Variants in LEPR observed in about 807,000 individuals in gnomAD.
LEPR encodes the protein OB receptor.
In LEPR, 56 loss-of-function variants were observed where a neutral mutation model predicts 114.7. That is an observed-to-expected ratio of 0.49 (90% CI 0.39 to 0.61). The LOEUF is 0.61. LEPR is among the 20% of genes least tolerant of loss of function. LEPR has a pLI of 0.00. For missense variants in LEPR, 1,202 were observed against 1,352.9 expected (o/e 0.89, Z 1.75); for synonymous variants, 443 against 461.4 (o/e 0.96, Z 0.51).
chr1:65,556,578 A>G lies in LEPR; in HGVS notation c.-20-8968A>G, dbSNP rs186360906. Among the ~76,000 whole-genome samples, 585 of 152,256 alleles carry G rather than the reference A, an allele frequency of 3.8e-3. 2 individuals carry two copies. Among genetic ancestry groups the G allele is most frequent in the Middle Eastern group, 6.8e-3 (2 of 294 alleles). On this transcript the variant is annotated intron_variant, in intron 2 of 19. Transcript: ENST00000349533. ...TTTCACCAAATTCTCAGTCAGGTCC[A>G]TGTTCCAAAAAATGGTTAAGAATCA...
chr1:65,578,992 T>A (rs952829595), intron 5 of LEPR, among the ~76,000 whole-genome samples: 2 of 152,200 alleles, frequency 1.3e-5, no homozygotes, highest in African/African-American at 4.8e-5. Flanking sequence ...CCTGTGGTCA[T>A]CATTTCCACA....
chr1:65,515,104 G>T (rs1245737940), intron 2 of LEPR, among the ~76,000 whole-genome samples: 1 of 152,240 alleles, frequency 6.6e-6, no homozygotes, highest in Non-Finnish European at 1.5e-5. Flanking sequence ...GCAGATGATG[G>T]TGGTGGGTGA....
intron 2 of LEPR, chr1:65,431,966 A>G (rs1646491651): frequency 6.3e-7 from 1 of 1,594,734 alleles, no homozygotes; most frequent in Non-Finnish European, 8.5e-7. Flanking sequence ...AACTCATACT[A>G]TCTGTATACA....
chr1:65,576,340 A>C lies in LEPR; in HGVS notation c.494+3891A>C, dbSNP rs1028062969. The C allele has an allele frequency of 3.9e-5, 6 of 152,766 alleles. 1 individual carries two copies. Among genetic ancestry groups the C allele is most frequent in the African/African-American group, 1.2e-4 (5 of 40,828 alleles). 9.5% of individuals were successfully genotyped at this position (152,766 alleles called of 1,614,324 possible). On this transcript the variant is annotated intron_variant, in intron 5 of 19. Coordinates refer to ENST00000349533, the MANE Select transcript of LEPR (RefSeq NM_002303.6). ...GCTAGTTTCTGTCATACCTAGACAA[A>C]GAAGATGGTTTAAAACCAATTCATG...
At chr1:65,634,912 T>C (rs1043546750) in intron 19 of LEPR, 61 of 827,508 alleles carry the variant, frequency 7.4e-5, no homozygotes, top group Non-Finnish European at 8.2e-5. Flanking sequence ...AGTTTTCTCT[T>C]CATATATTAT....
intron 2 of LEPR, chr1:65,435,614 G>T: frequency 1.2e-6 from 1 of 805,124 alleles, no homozygotes; most frequent in Non-Finnish European, 1.5e-6. Context: ...TGATCCGCCC[G>T]CCTCTGCCTC....
At position 65,641,549 on chromosome 1, in the gene LEPR, T is replaced by C. The variant is rs1644866761; in HGVS notation, c.*4534T>C. On this transcript the variant is annotated 3_prime_UTR_variant, in exon 20 of 20. Coordinates refer to ENST00000349533, the MANE Select transcript of LEPR (RefSeq NM_002303.6). ...CAGTGTTAATTTTGAGAAATAAAAG[T>C]CCAAAAAGAATTATTATGAGTTTAA... The C allele has an allele frequency of 6.6e-6, 1 of 152,184 alleles. No individual in the cohort carries two copies. The highest frequency in any genetic ancestry group is 6.5e-5 in the Admixed American group (1 of 15,282). 9.4% of individuals were successfully genotyped at this position (152,184 alleles called of 1,614,324 possible). A position where few individuals can be genotyped will look rare whatever the true frequency, so the allele number is the denominator to read the frequency against.
At chr1:65,436,480 CT>C (rs1646564522) in intron 2 of LEPR, among the ~76,000 whole-genome samples, 1 of 152,178 alleles carries the variant, frequency 6.6e-6, no homozygotes, top group African/African-American at 2.4e-5. Flanking sequence ...CTAGTTATTT[CT>C]TTGCATTGCC....
intron 19 of LEPR, chr1:65,625,987 G>T (rs932464145): frequency 2.8e-5 from 20 of 722,384 alleles, no homozygotes; most frequent in African/African-American, 2.7e-4. Flanking sequence ...TCTCTCTTCA[G>T]CATTTAAGCT....
chr1:65,459,599 AC>A lies in LEPR; in HGVS notation c.-21+34222del, dbSNP rs1055665659. 4.3e-4 allele frequency among the ~76,000 whole-genome samples: 66 copies of A among 152,214 alleles called. 1 individual carries two copies. The highest frequency in any genetic ancestry group is 1.3e-4 in the Admixed American group (2 of 15,286). On this transcript the variant is annotated intron_variant, in intron 2 of 19. Transcript: ENST00000349533. ...TACTGGCAAAGCTTACCATTGTCCA[AC>A]TAACAAAGGGAAATGTTCACAGGAT...
Position 65,565,558 on chromosome 1 carries a change from G to A in LEPR, c.-8G>A, listed in dbSNP as rs1196149260. 1 of 1,613,840 alleles carries A rather than the reference G, an allele frequency of 6.2e-7. No individual in the cohort carries two copies. Among genetic ancestry groups the A allele is most frequent in the East Asian group, 2.2e-5 (1 of 44,802 alleles). Reference sequence around the variant, plus strand: ...TTACCTTTTCCAGGTGTACTTCTCTGAAGTAAGATGATTTGTCAAAAATTC... The same window carrying A: ...TTACCTTTTCCAGGTGTACTTCTCTAAAGTAAGATGATTTGTCAAAAATTC... On this transcript the variant is annotated 5_prime_UTR_variant, in exon 3 of 20. The change abolishes the stop of an existing upstream ORF in the 5' untranslated region. Coordinates refer to ENST00000349533, the MANE Select transcript of LEPR (RefSeq NM_002303.6).
intron 14 of LEPR, among the ~76,000 whole-genome samples, chr1:65,612,150 A>G (rs919106249): frequency 9.2e-5 from 14 of 152,204 alleles, no homozygotes; most frequent in Non-Finnish European, 1.8e-4. Flanking sequence ...GTAAGCCACA[A>G]GGCCACAGGA....
chr1:65,550,611 C>G (rs975387351), intron 2 of LEPR, among the ~76,000 whole-genome samples: 2 of 152,192 alleles, frequency 1.3e-5, no homozygotes, highest in Non-Finnish European at 2.9e-5. Context: ...GGCGTAGGAC[C>G]CTCCGAACCA....
chr1:65,434,373 A>G (rs1646529549), intron 2 of LEPR: 1 of 985,308 alleles, frequency 1.0e-6, no homozygotes, highest in Non-Finnish European at 1.2e-6. Flanking sequence ...TAGTGACTAT[A>G]GTCGAAAACT....
At chr1:65,427,010 AAG>A (rs1285535452) in intron 2 of LEPR, among the ~76,000 whole-genome samples, 1 of 151,912 alleles carries the variant, frequency 6.6e-6, no homozygotes, top group Non-Finnish European at 1.5e-5. Context: ...AAAAAAAAAA[AAG>A]ATGATGATGA....
intron 2 of LEPR, among the ~76,000 whole-genome samples, chr1:65,484,155 C>G (rs566090015): frequency 6.6e-6 from 1 of 152,172 alleles, no homozygotes; most frequent in African/African-American, 2.4e-5. Flanking sequence ...CTGTGCCTGG[C>G]CTTTACACTT....
At chr1:65,578,035 C>T (rs1252181962) in intron 5 of LEPR, among the ~76,000 whole-genome samples, 2 of 151,228 alleles carry the variant, frequency 1.3e-5, no homozygotes, top group Admixed American at 1.3e-4. Flanking sequence ...GTTCAACTCC[C>T]ACTTATGAGT....
chr1:65,424,451 G>A (rs1218432737), intron 1 of LEPR, among the ~76,000 whole-genome samples: 1 of 152,160 alleles, frequency 6.6e-6, no homozygotes, highest in Non-Finnish European at 1.5e-5. Context: ...GAGTTATGTG[G>A]ACCAACTGGC....
At chr1:65,460,487 C>T (rs890444142) in intron 2 of LEPR, among the ~76,000 whole-genome samples, 1 of 152,128 alleles carries the variant, frequency 6.6e-6, no homozygotes, top group Non-Finnish European at 1.5e-5. Context: ...TGCATAGATA[C>T]AGATCCATGT....
Sources: allele counts gnomAD v4.1 joint callset (sites outside exome capture counted in the v4.1 genomes callset), GRCh38; gene constraint gnomAD v4.1.1; transcripts MANE v1.5; gene names NCBI Gene and HGNC (gene_info 2026-07-23, HGNC 2026-07-21).